TCF4: variants seen among roughly 807,000 people sequenced by gnomAD.
TCF4 encodes SL3-3 enhancer factor 2.
In TCF4, 3 loss-of-function variants were observed where a neutral mutation model predicts 82.1. The observed-to-expected ratio is 0.04, with a 90% CI of 0.02 to 0.09. TCF4 has a LOEUF of 0.09. Among genes scored for constraint, TCF4 ranks in the 10% least tolerant of loss-of-function variants. The pLI, the probability that TCF4 is intolerant of heterozygous loss-of-function variation, is 1.00. For missense variants in TCF4, 518 were observed against 852.7 expected, an observed-to-expected ratio of 0.61 and a Z score of 4.89; for synonymous variants, 276 against 309.6, an observed-to-expected ratio of 0.89 and a Z score of 1.14.
At chr18:55,244,052 A>T (rs1334155115) in intron 15 of TCF4, among the ~76,000 whole-genome samples, 1 of 151,004 alleles carries the variant, frequency 6.6e-6, no homozygotes, top group Non-Finnish European at 1.5e-5. Context: ...TCTAGTTCTT[A>T]AAAAAAAAGT....
At chr18:55,375,606 A>G (rs144534295) in intron 6 of TCF4, among the ~76,000 whole-genome samples, 3,849 of 152,288 alleles carry the variant, frequency 0.025, 72 homozygotes, top group Non-Finnish European at 0.035. Flanking sequence ...ATATTTGCCA[A>G]TGATTTTCTT....
At chr18:55,254,019 A>C (rs867455274) in intron 15 of TCF4, among the ~76,000 whole-genome samples, 1 of 152,238 alleles carries the variant, frequency 6.6e-6, no homozygotes, top group African/African-American at 2.4e-5. Flanking sequence ...TGGTATGTCC[A>C]TACAGTGAAA....
chr18:55,413,713 G>A (rs1428202243), intron 5 of TCF4, among the ~76,000 whole-genome samples: 1 of 152,054 alleles, frequency 6.6e-6, no homozygotes, highest in Admixed American at 6.5e-5. Context: ...AAGGATGAGA[G>A]GGAGGAAAAA....
intron 2 of TCF4, chr18:55,585,700 G>C (rs541445677): frequency 2.9e-6 from 3 of 1,045,552 alleles, no homozygotes; most frequent in African/African-American, 3.3e-5. Flanking sequence ...GAAGAAAAAA[G>C]TTGTTTTGTT....
intron 5 of TCF4, among the ~76,000 whole-genome samples, chr18:55,407,093 G>A (rs1051177164): frequency 3.3e-5 from 5 of 151,932 alleles, no homozygotes; most frequent in African/African-American, 4.8e-5. Flanking sequence ...GGGGGCGGGG[G>A]GAGATTCTGA....
In TCF4 at chr18:55,377,926, GAAT is replaced by G. The variant is rs376943744; in HGVS notation, c.369+25525_369+25527del. 1.1e-4 allele frequency among the ~76,000 whole-genome samples: 16 copies of G among 152,202 alleles called. No individual in the cohort carries two copies. In the East Asian group the frequency reaches 2.9e-3, roughly 28 times the overall value. Reference sequence around the variant, plus strand: ...CTTTATTTCTTCCATTCACGCTATAGAATAAAAAGACAATGTAACATTTTATTA... The same window carrying G: ...CTTTATTTCTTCCATTCACGCTATAGAAAAAGACAATGTAACATTTTATTA... On this transcript the variant is annotated intron_variant, in intron 6 of 19. Coordinates refer to ENST00000354452, the MANE Select transcript of TCF4 (RefSeq NM_001083962.2).
chr18:55,346,766 T>C (rs1430359870), intron 8 of TCF4, among the ~76,000 whole-genome samples: 2 of 152,188 alleles, frequency 1.3e-5, no homozygotes, highest in African/African-American at 4.8e-5. Context: ...TTTTACATGT[T>C]TACATGTTGA....
chr18:55,407,519 G>A (rs1428646156), intron 5 of TCF4, among the ~76,000 whole-genome samples: 4 of 151,956 alleles, frequency 2.6e-5, no homozygotes, highest in African/African-American at 4.8e-5. Context: ...AATCGAACCC[G>A]TCCGCTGCTA....
chr18:55,347,518 C>T (rs1339848402), intron 8 of TCF4, among the ~76,000 whole-genome samples: 1 of 152,146 alleles, frequency 6.6e-6, no homozygotes, highest in Non-Finnish European at 1.5e-5. Flanking sequence ...TACAAACACA[C>T]ATTCGTGGAT....
chr18:55,551,379 C>G (rs566291760), intron 3 of TCF4: 110 of 152,372 alleles, frequency 7.2e-4, no homozygotes, highest in African/African-American at 2.6e-3. Context: ...TTATTTACTC[C>G]TCGCAAATCC....
At chr18:55,565,609 CA>C (rs1167419020) in intron 3 of TCF4, among the ~76,000 whole-genome samples, 1 of 152,054 alleles carries the variant, frequency 6.6e-6, no homozygotes, top group Non-Finnish European at 1.5e-5. Flanking sequence ...AAAAGCAAAA[CA>C]AAGAAGCTTA....
intron 3 of TCF4, among the ~76,000 whole-genome samples, chr18:55,570,000 C>G (rs2097447202): frequency 6.6e-6 from 1 of 152,106 alleles, no homozygotes; most frequent in Non-Finnish European, 1.5e-5. Flanking sequence ...CTTTACCTAA[C>G]AAACAACAAA....
chr18:55,530,564 G>GT lies in TCF4; in HGVS notation c.145+54715_145+54716insA, dbSNP rs1049085368. On this transcript the variant is annotated intron_variant, in intron 3 of 19. Coordinates refer to ENST00000354452, the MANE Select transcript of TCF4 (RefSeq NM_001083962.2). ...AGGAGGGGAGGTGGCCCTGAAAAGGGGGGGGGAAACAGCTAAGGGGGAAAA... is the reference window on the plus strand; with the variant it reads ...AGGAGGGGAGGTGGCCCTGAAAAGGGTGGGGGGAAACAGCTAAGGGGGAAAA... Among the ~76,000 whole-genome samples, 11 of 149,528 alleles carry GT rather than the reference G, an allele frequency of 7.4e-5. 1 individual carries two copies. The highest frequency in any genetic ancestry group is 4.0e-4 in the East Asian group (2 of 4,982).
At chr18:55,622,011 T>C (rs1211059560) in intron 2 of TCF4, among the ~76,000 whole-genome samples, 1 of 133,812 alleles carries the variant, frequency 7.5e-6, no homozygotes, top group East Asian at 2.1e-4. Flanking sequence ...ATACACTATA[T>C]ATATTATATA....
At chr18:55,229,157 G>T in intron 17 of TCF4, 81 bp from the exon 18 acceptor site, 3 of 1,522,678 alleles carry the variant, frequency 2.0e-6, no homozygotes, top group Non-Finnish European at 2.7e-6. Context: ...TTCTTCCAGA[G>T]TTTTCAGGGA....
intron 3 of TCF4, among the ~76,000 whole-genome samples, chr18:55,468,233 G>A (rs2096074728): frequency 6.6e-6 from 1 of 152,336 alleles, no homozygotes; most frequent in African/African-American, 2.4e-5. Flanking sequence ...TAAGGCCAGA[G>A]GTATGATGAG....
chr18:55,233,582 G>A lies in TCF4; in HGVS notation c.1487-911C>T, dbSNP rs577096596. 2.0e-5 allele frequency among the ~76,000 whole-genome samples: 3 copies of A among 152,268 alleles called. 1 individual carries two copies. The highest frequency in any genetic ancestry group is 7.2e-5 in the African/African-American group (3 of 41,564). On this transcript the variant is annotated intron_variant, in intron 16 of 19. Coordinates refer to ENST00000354452, the MANE Select transcript of TCF4 (RefSeq NM_001083962.2). ...TGTAATCCCAGCACTTCGGGAGGCT[G>A]AGGCGGGTGCATCACTTGAGGTCAG...
chr18:55,275,835 T>C, intron 9 of TCF4, 83 bp from the exon 10 acceptor site: 1 of 1,537,922 alleles, frequency 6.5e-7, no homozygotes, highest in Non-Finnish European at 9.0e-7. Context: ...TACTTGAAAA[T>C]GACTGCCTGT....
intron 6 of TCF4, among the ~76,000 whole-genome samples, chr18:55,355,264 T>C (rs966576293): frequency 3.9e-5 from 6 of 152,182 alleles, no homozygotes; most frequent in Admixed American, 6.5e-5. Flanking sequence ...AAAATACACA[T>C]TGAGTGAAAT....
Sources: allele counts gnomAD v4.1 joint callset (sites outside exome capture counted in the v4.1 genomes callset), GRCh38; gene constraint gnomAD v4.1.1; transcripts MANE v1.5; gene names NCBI Gene and HGNC (gene_info 2026-07-23, HGNC 2026-07-21).